ZNF277: variants seen among roughly 807,000 people sequenced by gnomAD.
ZNF277 encodes nuclear receptor-interacting factor 4.
ZNF277 carries 55 observed loss-of-function variants against 60.7 expected under a neutral mutation model. The observed-to-expected ratio is 0.91, with a 90% CI of 0.73 to 1.13. The LOEUF is 1.13. ZNF277 is among the 50% of genes most tolerant of loss of function. ZNF277 has a pLI of 0.00. For synonymous variants in ZNF277, 178 were observed against 179.3 expected, an observed-to-expected ratio of 0.99 and a Z score of 0.06; for missense variants, 510 against 523.0, an observed-to-expected ratio of 0.98 and a Z score of 0.24.
intron 1 of ZNF277, among the ~76,000 whole-genome samples, chr7:112,253,792 A>C (rs918988387): frequency 6.6e-6 from 1 of 152,196 alleles, no homozygotes. Context: ...TCTATATATG[A>C]TCATCTCTTA....
chr7:112,292,113 G>A (rs1792222936), intron 2 of ZNF277, among the ~76,000 whole-genome samples: 1 of 152,156 alleles, frequency 6.6e-6, no homozygotes, highest in Non-Finnish European at 1.5e-5. Flanking sequence ...TAAGTTAATT[G>A]ATGTCAGTAA....
chr7:112,276,572 A>T (rs1030456927), intron 1 of ZNF277, among the ~76,000 whole-genome samples: 1 of 152,242 alleles, frequency 6.6e-6, no homozygotes, highest in African/African-American at 2.4e-5. Context: ...GACAGGATGC[A>T]GTAATCTAGC....
intron 4 of ZNF277, among the ~76,000 whole-genome samples, chr7:112,309,420 T>C (rs1792671824): frequency 6.6e-6 from 1 of 151,874 alleles, no homozygotes; most frequent in Non-Finnish European, 1.5e-5. Flanking sequence ...AATTTCCCTA[T>C]ATAGTCTTAA....
chr7:112,225,803 G>A (rs1822159056), intron 1 of ZNF277, among the ~76,000 whole-genome samples: 1 of 152,128 alleles, frequency 6.6e-6, no homozygotes, highest in African/African-American at 2.4e-5. Context: ...CAAGGCCAAT[G>A]TAAATTTAGT....
chr7:112,222,399 A>G (rs1392401963), intron 1 of ZNF277, among the ~76,000 whole-genome samples: 1 of 152,138 alleles, frequency 6.6e-6, no homozygotes, highest in Non-Finnish European at 1.5e-5. Flanking sequence ...CCCTTTCTTC[A>G]TAATTGAGTC....
At chr7:112,241,740 A>G (rs527949490) in intron 1 of ZNF277, among the ~76,000 whole-genome samples, 4 of 152,276 alleles carry the variant, frequency 2.6e-5, no homozygotes, top group African/African-American at 9.6e-5. Context: ...GTTAAGTGAA[A>G]TAAGCTAGCA....
intron 1 of ZNF277, among the ~76,000 whole-genome samples, chr7:112,210,936 G>A (rs905314779): frequency 4.6e-5 from 7 of 152,196 alleles, no homozygotes; most frequent in Admixed American, 2.0e-4. Flanking sequence ...CAGCAAGGTA[G>A]CACAATTCAG....
chr7:112,288,092 G>T (rs926317826), intron 2 of ZNF277: 1 of 152,158 alleles, frequency 6.6e-6, no homozygotes, highest in Admixed American at 6.5e-5. Flanking sequence ...CACTCAAAAG[G>T]CAGTGTTTGG....
intron 1 of ZNF277, among the ~76,000 whole-genome samples, chr7:112,252,260 G>A (rs954925984): frequency 6.6e-6 from 1 of 152,104 alleles, no homozygotes; most frequent in African/African-American, 2.4e-5. Context: ...GATGCAAGAG[G>A]GTAGCTTATT....
At chr7:112,210,705 C>T (rs909112291) in intron 1 of ZNF277, among the ~76,000 whole-genome samples, 1 of 152,102 alleles carries the variant, frequency 6.6e-6, no homozygotes. Context: ...CTCCTGACCA[C>T]AGGTGATCCA....
At chr7:112,330,285 C>G in intron 7 of ZNF277, 69 bp downstream of exon 7, 2 of 1,510,134 alleles carry the variant, frequency 1.3e-6, no homozygotes, top group East Asian at 2.3e-5. Context: ...TGAGGACCAA[C>G]TAATATTTGA....
At chr7:112,238,810 T>TTTTTTTTTTGAGACGGAGTCTCGCTCTG (rs1250825265) in intron 1 of ZNF277, among the ~76,000 whole-genome samples, 1 of 151,320 alleles carries the variant, frequency 6.6e-6, no homozygotes, top group African/African-American at 2.4e-5. Context: ...TTTTTTTTAT[T>TTTTTTTTTTGAGACGGAGTCTCGCTCTG]TCAATAGATT....
chr7:112,320,083 A>G (rs1213347640), intron 5 of ZNF277, among the ~76,000 whole-genome samples: 2 of 152,152 alleles, frequency 1.3e-5, no homozygotes, highest in Non-Finnish European at 2.9e-5. Flanking sequence ...TTTGTTTTCT[A>G]TAAAGTTCTA....
intron 1 of ZNF277, among the ~76,000 whole-genome samples, chr7:112,255,713 G>T (rs764532618): frequency 3.3e-5 from 5 of 152,198 alleles, no homozygotes; most frequent in Non-Finnish European, 7.3e-5. Flanking sequence ...CCCAAATTCA[G>T]ACCCTCACTG....
At chr7:112,289,072 G>A (rs769877445) in intron 2 of ZNF277, 26 of 150,876 alleles carry the variant, frequency 1.7e-4, no homozygotes, top group Admixed American at 9.9e-4. Flanking sequence ...TTTTATCACC[G>A]AAGGTATATT....
intron 4 of ZNF277, among the ~76,000 whole-genome samples, chr7:112,316,213 G>A (rs1371555157): frequency 6.6e-6 from 1 of 151,804 alleles, no homozygotes; most frequent in Non-Finnish European, 1.5e-5. Flanking sequence ...AGAGTAGAGA[G>A]GTTAGATGTA....
chr7:112,289,273 T>G (rs4730521), intron 2 of ZNF277, among the ~76,000 whole-genome samples: 8,795 of 152,250 alleles, frequency 0.058, 669 homozygotes, highest in African/African-American at 0.18. Flanking sequence ...TGATAACTAT[T>G]CTCTAGCCTT....
intron 4 of ZNF277, among the ~76,000 whole-genome samples, chr7:112,316,838 A>G (rs1192796420): frequency 6.6e-6 from 1 of 152,070 alleles, no homozygotes; most frequent in Non-Finnish European, 1.5e-5. Context: ...TTCTACTATA[A>G]AGACACATGC....
At chr7:112,295,793 C>A in intron 2 of ZNF277, 76 bp from the exon 3 acceptor site, 1 of 1,160,988 alleles carries the variant, frequency 8.6e-7, no homozygotes, top group Non-Finnish European at 1.3e-6. Flanking sequence ...AGTGAATGTG[C>A]TTATAGATTC....
Sources: gnomAD v4.1 joint callset for allele counts (sites outside exome capture counted in the v4.1 genomes callset) on GRCh38, gnomAD v4.1.1 for gene constraint, MANE v1.5 for transcripts, NCBI Gene and HGNC (gene_info 2026-07-23, HGNC 2026-07-21) for gene names.